The following RASSF3 variants were observed in gnomAD, a reference collection of about 807,000 sequenced individuals.
The protein encoded by RASSF3 is Ras association domain family member 3.
Under a neutral mutation model 19.9 loss-of-function variants are expected in RASSF3, and 19 were observed. The ratio of observed to expected loss-of-function variants is 0.96; its 90% confidence interval spans 0.67 to 1.40. RASSF3 has a LOEUF of 1.40. Ranked by LOEUF, RASSF3 falls within the 40% of genes most tolerant of loss-of-function variation. The pLI, the probability that RASSF3 is intolerant of heterozygous loss-of-function variation, is 0.00. For synonymous variants in RASSF3, 110 were observed against 104.2 expected (o/e 1.06, Z -0.34); for missense variants, 306 against 289.8 (o/e 1.06, Z -0.41).
At chr12:64,515,604 G>A (rs1276654832) in intron 1 of RASSF3, 1 of 152,136 alleles carries the variant, frequency 6.6e-6, no homozygotes, top group Non-Finnish European at 1.5e-5. Flanking sequence ...GCAGCTTTCT[G>A]TAAAATGGAT....
intron 1 of RASSF3, among the ~76,000 whole-genome samples, chr12:64,513,450 CAG>C (rs1868340213): frequency 1.1e-5 from 1 of 94,742 alleles, no homozygotes. Context: ...AACTCCATCT[CAG>C]AAAAAAAAAA....
At chr12:64,677,605 T>G (rs1292704107) in intron 1 of RASSF3, among the ~76,000 whole-genome samples, 1 of 152,174 alleles carries the variant, frequency 6.6e-6, no homozygotes, top group East Asian at 1.9e-4. Flanking sequence ...TTAGAAGTTT[T>G]GGTACTGAAA....
intron 3 of RASSF3, among the ~76,000 whole-genome samples, chr12:64,690,206 G>C (rs1456446861): frequency 6.6e-6 from 1 of 151,482 alleles, no homozygotes; most frequent in Non-Finnish European, 1.5e-5. Flanking sequence ...GTTTGAGACG[G>C]AGTCTTGCTC....
intron 2 of RASSF3, among the ~76,000 whole-genome samples, chr12:64,595,002 CAT>C (rs892765634): frequency 1.3e-5 from 2 of 150,522 alleles, no homozygotes; most frequent in African/African-American, 4.9e-5. Flanking sequence ...CACACACACA[CAT>C]GCACACTACA....
chr12:64,672,111 GA>G (rs1429180038), intron 1 of RASSF3, among the ~76,000 whole-genome samples: 1 of 152,028 alleles, frequency 6.6e-6, no homozygotes, highest in Non-Finnish European at 1.5e-5. Context: ...GGGTACATAA[GA>G]TTTTTTGATA....
chr12:64,532,903 A>G (rs1868743913), upstream of RASSF3, among the ~76,000 whole-genome samples: 1 of 152,146 alleles, frequency 6.6e-6, no homozygotes, highest in Non-Finnish European at 1.5e-5. Flanking sequence ...GAAGAAATGG[A>G]AGCACAGAGA....
downstream of RASSF3, among the ~76,000 whole-genome samples, chr12:64,542,970 G>T (rs772466848): frequency 1.2e-4 from 18 of 152,156 alleles, no homozygotes; most frequent in Non-Finnish European, 1.8e-4. Context: ...GCGCCAGCTA[G>T]ATAGAGTTCC....
intron 1 of RASSF3, among the ~76,000 whole-genome samples, chr12:64,615,384 A>C (rs1010572362): frequency 6.6e-6 from 1 of 152,192 alleles, no homozygotes; most frequent in Non-Finnish European, 1.5e-5. Context: ...GAGAAACGTG[A>C]AATTGTCTTC....
intron 1 of RASSF3, among the ~76,000 whole-genome samples, chr12:64,616,783 G>A (rs1409322531): frequency 2.6e-5 from 4 of 152,116 alleles, no homozygotes; most frequent in African/African-American, 4.8e-5. Context: ...ACAAGGCCCC[G>A]CTTATTGTTC....
intron 2 of RASSF3, among the ~76,000 whole-genome samples, chr12:64,578,181 C>T (rs12299132): frequency 0.073 from 11,117 of 152,046 alleles, 947 homozygotes; most frequent in African/African-American, 0.21. Flanking sequence ...CAAGATCACA[C>T]CACTGCACTC....
intron 1 of RASSF3, among the ~76,000 whole-genome samples, chr12:64,614,308 A>G (rs1044416168): frequency 1.3e-5 from 2 of 151,886 alleles, no homozygotes; most frequent in East Asian, 1.9e-4. Context: ...TAAATTTTGT[A>G]GTAGAGACGG....
intron 2 of RASSF3, among the ~76,000 whole-genome samples, chr12:64,685,478 C>T (rs556971897): frequency 1.3e-5 from 2 of 152,236 alleles, no homozygotes; most frequent in East Asian, 3.9e-4. Context: ...TTCCTTGGCT[C>T]AAGGGATCTG....
intron 2 of RASSF3, among the ~76,000 whole-genome samples, chr12:64,577,528 G>A (rs1869615313): frequency 6.6e-6 from 1 of 152,056 alleles, no homozygotes; most frequent in Non-Finnish European, 1.5e-5. Context: ...GTCAGGAGTT[G>A]GAGACCAGCC....
chr12:64,550,893 G>A (rs1417179726), intron 2 of RASSF3, among the ~76,000 whole-genome samples: 5 of 149,254 alleles, frequency 3.3e-5, no homozygotes, highest in Admixed American at 3.3e-4. Flanking sequence ...CATAAAGCCC[G>A]AAAATGTTCC....
At chr12:64,682,566 CAAAAA>C (rs549058845) in intron 1 of RASSF3, among the ~76,000 whole-genome samples, 1 of 81,328 alleles carries the variant, frequency 1.2e-5, no homozygotes. Flanking sequence ...GACTCCGTCT[CAAAAA>C]AAAAAAAAAA....
chr12:64,607,753 TTTTA>T (rs559386286), upstream of RASSF3, among the ~76,000 whole-genome samples: 903 of 152,068 alleles, frequency 5.9e-3, 9 homozygotes, highest in African/African-American at 0.021. Flanking sequence ...TTTAAAATTA[TTTTA>T]TTTATTTATT....
chr12:64,535,421 G>C (rs1326137218), intron 1 of RASSF3, among the ~76,000 whole-genome samples: 4 of 148,910 alleles, frequency 2.7e-5, no homozygotes, highest in Non-Finnish European at 6.0e-5. Context: ...CTGGAGTGCA[G>C]TGGTGCAATC....
At chr12:64,585,601 CTTT>C (rs35374871) in intron 2 of RASSF3, among the ~76,000 whole-genome samples, 12 of 96,230 alleles carry the variant, frequency 1.2e-4, no homozygotes, top group Admixed American at 2.3e-4. Flanking sequence ...TAGGCAAGTC[CTTT>C]TTTTTTTTTT....
At chr12:64,521,422 T>C (rs1868477168) in intron 1 of RASSF3, among the ~76,000 whole-genome samples, 1 of 152,188 alleles carries the variant, frequency 6.6e-6, no homozygotes, top group Non-Finnish European at 1.5e-5. Flanking sequence ...CATCCTTTCA[T>C]GAGTATGTCC....
Sources: gnomAD v4.1 joint callset for allele counts (sites outside exome capture counted in the v4.1 genomes callset) on GRCh38, gnomAD v4.1.1 for gene constraint, MANE v1.5 for transcripts, NCBI Gene and HGNC (gene_info 2026-07-23, HGNC 2026-07-21) for gene names.